Variants in MGAM2 observed in about 807,000 individuals in gnomAD.
MGAM2 encodes the protein probable maltase-glucoamylase 2.
MGAM2 carries 98 observed loss-of-function variants against 96.1 expected under a neutral mutation model. The observed-to-expected ratio is 1.02, with a 90% CI of 0.87 to 1.21. The LOEUF (loss-of-function observed/expected upper bound fraction) is 1.21, where lower values mean the gene tolerates loss of function less well. Among genes scored for constraint, MGAM2 ranks in the 50% most tolerant of loss-of-function variants. The pLI is 0.00. For missense variants in MGAM2, 2,055 were observed against 1,182.4 expected, an observed-to-expected ratio of 1.74 and a Z score of -10.82; for synonymous variants, 749 against 414.8, an observed-to-expected ratio of 1.81 and a Z score of -9.79.
At chr7:142,155,181 A>G (rs1563264350) in intron 17 of MGAM2, among the ~76,000 whole-genome samples, 2 of 152,210 alleles carry the variant, frequency 1.3e-5, no homozygotes, top group Non-Finnish European at 2.9e-5. Context: ...AATACAAGGG[A>G]AATCCCTCAT....
chr7:142,160,650 A>T (rs1014496639), intron 21 of MGAM2, among the ~76,000 whole-genome samples: 2 of 151,612 alleles, frequency 1.3e-5, no homozygotes, highest in East Asian at 3.9e-4. Context: ...CTCAGATTCT[A>T]CAGAACCTGG....
chr7:142,201,412 G>A (rs1797229227), intron 45 of MGAM2, among the ~76,000 whole-genome samples: 1 of 151,938 alleles, frequency 6.6e-6, no homozygotes, highest in African/African-American at 2.4e-5. Context: ...TTCCATTTTA[G>A]ATTACGTCCA....
intron 26 of MGAM2, among the ~76,000 whole-genome samples, chr7:142,169,001 TG>T (rs1344803831): frequency 6.6e-6 from 1 of 152,296 alleles, no homozygotes; most frequent in East Asian, 1.9e-4. Flanking sequence ...CATGAATCAC[TG>T]GGGCAGCTTG....
In MGAM2 at chr7:142,148,425, C is replaced by G. The variant is rs965479572; in HGVS notation, c.1634+852C>G. Reference sequence around the variant, plus strand: ...ACCATCATCACTATCCCCATCACCACCATGACTATCACCATCACCTTTACT... The same window carrying G: ...ACCATCATCACTATCCCCATCACCAGCATGACTATCACCATCACCTTTACT... On this transcript the variant is annotated intron_variant, in intron 15 of 47. Coordinates refer to ENST00000477922, the MANE Select transcript of MGAM2 (RefSeq NM_001293626.2). This position sits in a 1 kb window ranked among gnomAD's most constrained non-coding sequence, Gnocchi z 4.2. Among the ~76,000 whole-genome samples, 11 of 152,150 alleles carry G rather than the reference C, an allele frequency of 7.2e-5. No homozygotes were observed. Among genetic ancestry groups the G allele is most frequent in the African/African-American group, 1.9e-4 (8 of 41,430 alleles).
chr7:142,138,578 CTT>C lies in MGAM2; in HGVS notation c.998_999del (p.Leu333ArgfsTer5). 1.4e-6 allele frequency: 1 copy of C among 703,210 alleles called. No individual in the cohort carries two copies. Among genetic ancestry groups the C allele is most frequent in the Non-Finnish European group, 2.6e-6 (1 of 385,014 alleles). 43.6% of individuals were successfully genotyped at this position (703,210 alleles called of 1,614,324 possible). On this transcript the variant is annotated frameshift_variant, in exon 10 of 48. Transcript: ENST00000477922. LOFTEE classifies it high-confidence loss of function. ...GCCATTCTTCCCTCCCTATTGGAGTCTTGGGTTCCAGCTTAGTCGCAGGGACT... is the reference window on the plus strand; with the variant it reads ...GCCATTCTTCCCTCCCTATTGGAGTCGGGTTCCAGCTTAGTCGCAGGGACT... ...GRPFFPPYWS[L>X]GFQLSRRDYG...
At chr7:142,158,147 G>T in intron 18 of MGAM2, 56 bp downstream of exon 18, 3 of 699,870 alleles carry the variant, frequency 4.3e-6, no homozygotes, top group Admixed American at 2.0e-5. Flanking sequence ...ACTTGACTTT[G>T]TTTGTGGTAG....
At chr7:142,131,484 C>T (rs1352132639) in intron 4 of MGAM2, 34 bp from the exon 5 acceptor site, 1 of 697,498 alleles carries the variant, frequency 1.4e-6, no homozygotes, top group African/African-American at 1.8e-5. Context: ...AAGTTAGTCT[C>T]CTTTTCTCTC....
At chr7:142,137,628 G>A in intron 9 of MGAM2, 83 bp downstream of exon 9, 12 of 515,772 alleles carry the variant, frequency 2.3e-5, no homozygotes, top group Non-Finnish European at 3.8e-5. Flanking sequence ...AAAATAAAAG[G>A]TATTAGTAAA....
At chr7:142,190,394 C>G (rs1002071843) in intron 37 of MGAM2, among the ~76,000 whole-genome samples, 1 of 151,224 alleles carries the variant, frequency 6.6e-6, no homozygotes, top group Admixed American at 6.6e-5. Flanking sequence ...GCCTCAGACT[C>G]CCGAGTAGCT....
At chr7:142,164,502 T>C (rs1795975066) in intron 23 of MGAM2, among the ~76,000 whole-genome samples, 1 of 152,176 alleles carries the variant, frequency 6.6e-6, no homozygotes, top group Non-Finnish European at 1.5e-5. Flanking sequence ...CCTTTTGGTG[T>C]ATATGTGTAT....
At chr7:142,112,128 C>T (rs3800996) in intron 1 of MGAM2, among the ~76,000 whole-genome samples, 25,477 of 151,240 alleles carry the variant, frequency 0.17, 2,479 homozygotes, top group East Asian at 0.37. Context: ...ACAGAGGAAA[C>T]AGATGGGATC....
chr7:142,210,421 C>T (rs1246172856), intron 46 of MGAM2, among the ~76,000 whole-genome samples: 2 of 152,130 alleles, frequency 1.3e-5, no homozygotes, highest in African/African-American at 4.8e-5. Context: ...CAGAGCCCAG[C>T]AAGCTAAGAT....
At chr7:142,157,690 G>C (rs1042058040) in intron 17 of MGAM2, among the ~76,000 whole-genome samples, 2 of 151,974 alleles carry the variant, frequency 1.3e-5, no homozygotes, top group African/African-American at 4.8e-5. Flanking sequence ...GCGCCTGGCC[G>C]ATAGACACCA....
intron 24 of MGAM2, among the ~76,000 whole-genome samples, chr7:142,165,318 A>T (rs559523618): frequency 5.1e-4 from 77 of 152,202 alleles, no homozygotes; most frequent in Non-Finnish European, 9.3e-4. Context: ...TAGTGAATAG[A>T]TTGTGCAATG....
At chr7:142,120,232 T>C (rs1245781393) in intron 2 of MGAM2, 70 bp from the exon 3 acceptor site, 1 of 689,614 alleles carries the variant, frequency 1.5e-6, no homozygotes, top group East Asian at 2.7e-5. Flanking sequence ...GTCTGTAACT[T>C]TGCTGGCTTC....
At chr7:142,183,983 T>TC in intron 33 of MGAM2, among the ~76,000 whole-genome samples, 1 of 98,632 alleles carries the variant, frequency 1.0e-5, no homozygotes, top group Non-Finnish European at 1.9e-5. Flanking sequence ...TTTTTTTTTT[T>TC]TTTTTTTGAG....
At chr7:142,215,773 A>AC (rs1797742110) in intron 46 of MGAM2, among the ~76,000 whole-genome samples, 2 of 151,980 alleles carry the variant, frequency 1.3e-5, no homozygotes, top group African/African-American at 4.8e-5. Flanking sequence ...AAAAAAAAAA[A>AC]AAAACCTCAT....
intron 2 of MGAM2, among the ~76,000 whole-genome samples, chr7:142,117,571 G>T (rs1817456089): frequency 6.6e-6 from 1 of 152,100 alleles, no homozygotes; most frequent in African/African-American, 2.4e-5. Flanking sequence ...TTTGGGCTTT[G>T]TTCTGCTTGA....
At chr7:142,183,947 C>G (rs905843427) in intron 33 of MGAM2, among the ~76,000 whole-genome samples, 1 of 105,486 alleles carries the variant, frequency 9.5e-6, no homozygotes, top group South Asian at 3.2e-4. Flanking sequence ...GTATTCCAGG[C>G]TCCTTTTTTT....
Sources: gnomAD v4.1 joint callset for allele counts (sites outside exome capture counted in the v4.1 genomes callset) on GRCh38, gnomAD v4.1.1 for gene constraint, Gnocchi (gnomAD v3.1) non-coding constraint, MANE v1.5 for transcripts, NCBI Gene and HGNC (gene_info 2026-07-23, HGNC 2026-07-21) for gene names.